ENPP1: variants seen among roughly 807,000 people sequenced by gnomAD.
The protein encoded by ENPP1 is ectonucleotide pyrophosphatase/phosphodiesterase family member 1.
Under a neutral mutation model 122.8 loss-of-function variants are expected in ENPP1, and 73 were observed. That is an observed-to-expected ratio of 0.59 (90% confidence interval 0.49 to 0.72). ENPP1 has a LOEUF of 0.72. Ranked by LOEUF, ENPP1 falls within the 30% of genes least tolerant of loss-of-function variation. The probability of loss-of-function intolerance (pLI) is 0.00; values close to 1 mark genes in which losing one functional copy is unlikely to be tolerated. For missense variants in ENPP1, 978 were observed against 1,128.1 expected (o/e 0.87, Z 1.91); for synonymous variants, 367 against 391.6 (o/e 0.94, Z 0.74).
At chr6:131,855,344 G>C (rs891942762) in intron 6 of ENPP1, among the ~76,000 whole-genome samples, 1 of 151,864 alleles carries the variant, frequency 6.6e-6, no homozygotes, top group Non-Finnish European at 1.5e-5. Context: ...TATTATTTTT[G>C]AGACTGAGTC....
At chr6:131,808,949 AG>A (rs2114644389) in intron 1 of ENPP1, among the ~76,000 whole-genome samples, 1 of 152,342 alleles carries the variant, frequency 6.6e-6, no homozygotes, top group South Asian at 2.1e-4. Context: ...CAGGACCCAC[AG>A]TCAACTTCAT....
At position 131,891,341 on chromosome 6, in the gene ENPP1, G is replaced by A. The variant is rs1221921141; in HGVS notation, c.*830G>A. The A allele has an allele frequency of 6.6e-6, 1 of 152,186 alleles. No homozygotes were observed. Among genetic ancestry groups the A allele is most frequent in the African/African-American group, 2.4e-5 (1 of 41,430 alleles). The allele number at this position is 152,186 out of a possible 1,614,324, so 9.4% of individuals were successfully genotyped here. A position where few individuals can be genotyped will look rare whatever the true frequency, so the allele number is the denominator to read the frequency against. On this transcript the variant is annotated 3_prime_UTR_variant, in exon 25 of 25. Transcript: ENST00000647893. ...AACTTCAGAGCACCAGTCAGTGCAT[G>A]CAAGGTGCCATTTTTTATTGAGATG...
In ENPP1 at chr6:131,891,515, A is replaced by G. The variant is rs1355481441; in HGVS notation, c.*1004A>G. Reference sequence around the variant, plus strand: ...CTTGGTGGACATGATAAATGACACAATGAACTTGATTTCTTTACTACCTTG... The same window carrying G: ...CTTGGTGGACATGATAAATGACACAGTGAACTTGATTTCTTTACTACCTTG... On this transcript the variant is annotated 3_prime_UTR_variant, in exon 25 of 25. Transcript: ENST00000647893. 6.6e-6 allele frequency: 1 copy of G among 152,174 alleles called. No individual in the cohort carries two copies. The highest frequency in any genetic ancestry group is 2.4e-5 in the African/African-American group (1 of 41,438). 9.4% of individuals were successfully genotyped at this position (152,174 alleles called of 1,614,324 possible).
intron 15 of ENPP1, among the ~76,000 whole-genome samples, chr6:131,873,840 G>T (rs115778997): frequency 6.6e-6 from 1 of 151,866 alleles, no homozygotes; most frequent in Non-Finnish European, 1.5e-5. Flanking sequence ...TATGAAAGGA[G>T]AAATGGTCCT....
chr6:131,824,393 G>A (rs919406458), intron 1 of ENPP1, among the ~76,000 whole-genome samples: 1 of 152,106 alleles, frequency 6.6e-6, no homozygotes, highest in Non-Finnish European at 1.5e-5. Context: ...TGAGTGGAGT[G>A]TAATGGGGAT....
At chr6:131,827,044 C>T (rs796413666) in intron 1 of ENPP1, 19 of 566,684 alleles carry the variant, frequency 3.4e-5, no homozygotes, top group African/African-American at 2.4e-4. Flanking sequence ...AGCTGTGAGA[C>T]GGCAGACGGC....
Position 131,892,709 on chromosome 6 carries a change from A to G in ENPP1, c.*2198A>G, listed in dbSNP as rs1480990786. 6.6e-6 allele frequency: 1 copy of G among 152,202 alleles called. No homozygotes were observed. Among genetic ancestry groups the G allele is most frequent in the African/African-American group, 2.4e-5 (1 of 41,434 alleles). 9.4% of individuals were successfully genotyped at this position (152,202 alleles called of 1,614,324 possible). A position where few individuals can be genotyped will look rare whatever the true frequency, so the allele number is the denominator to read the frequency against. ...TCCCTTTGCTGGATACCAAGAATAC[A>G]AAAGTCAGGGAGTTGGGGCACCTCT... On this transcript the variant is annotated 3_prime_UTR_variant, in exon 25 of 25. Transcript: ENST00000647893.
Position 131,884,982 on chromosome 6 carries a change from G to T in ENPP1, c.2363G>T (p.Arg788Ile), listed in dbSNP as rs921098635. 6.2e-7 allele frequency: 1 copy of T among 1,614,018 alleles called. No homozygotes were observed. ...CTACTGCGAAAGTATGCTGAAGAAA[G>T]AAATGGTGTCAATGTCGTCAGTGGT... The part of the protein sequence containing the change: ...DTLLRKYAEE[R>I]NGVNVVSGPV... Residue 788 changes from arginine (R) to isoleucine (I), a missense_variant, in exon 23 of 25, where the codon AGA becomes ATA. Arg to Ile is a moderately conservative substitution (Grantham distance 97). Around this residue, in one of 3 missense-constraint regions of ENPP1, gnomAD observed 644 missense variants for 781.5 expected, o/e 0.82. Coordinates refer to ENST00000647893, the MANE Select transcript of ENPP1 (RefSeq NM_006208.3).
At chr6:131,839,087 A>C (rs1200306500) in intron 1 of ENPP1, among the ~76,000 whole-genome samples, 1 of 152,124 alleles carries the variant, frequency 6.6e-6, no homozygotes, top group African/African-American at 2.4e-5. Flanking sequence ...TAGTTTATGA[A>C]GTTAGCATGG....
intron 3 of ENPP1, among the ~76,000 whole-genome samples, chr6:131,850,771 A>G (rs1006057743): frequency 6.6e-6 from 1 of 152,128 alleles, no homozygotes; most frequent in Non-Finnish European, 1.5e-5. Context: ...GTCTCACTAC[A>G]TTGCCCAGGT....
chr6:131,863,198 C>T (rs1040044839), intron 9 of ENPP1, among the ~76,000 whole-genome samples: 2 of 152,062 alleles, frequency 1.3e-5, no homozygotes, highest in African/African-American at 4.8e-5. Context: ...GCATCTATTG[C>T]GTTTGCAAAT....
rs564304453 is a variant in ENPP1, at chr6:131,893,949, C to CTTTT, written c.*3465_*3468dup. On this transcript the variant is annotated 3_prime_UTR_variant, in exon 25 of 25. Transcript: ENST00000647893. ...GTGAAACCTTTATTTATCTTGATTT[C>CTTTT]TTTTTTTTTTTTTTTTTTTTTTTTT... 89 of 59,502 alleles carry CTTTT rather than the reference C, an allele frequency of 1.5e-3. 1 individual carries two copies. The highest frequency in any genetic ancestry group is 2.1e-3 in the Non-Finnish European group (69 of 32,648). The allele number at this position is 59,502 out of a possible 1,614,324, so 3.7% of individuals were successfully genotyped here.
intron 1 of ENPP1, among the ~76,000 whole-genome samples, chr6:131,846,733 CAATT>C (rs1014880675): frequency 1.3e-5 from 2 of 152,122 alleles, no homozygotes; most frequent in Admixed American, 6.5e-5. Flanking sequence ...CATTGGTACT[CAATT>C]AATATTTTAT....
chr6:131,851,987 CAACT>C (rs1781888663), intron 4 of ENPP1, among the ~76,000 whole-genome samples, 184 bp from the exon 5 acceptor site: 1 of 152,102 alleles, frequency 6.6e-6, no homozygotes, highest in East Asian at 1.9e-4. Flanking sequence ...TTCCTGATAT[CAACT>C]AACTCTTATT....
intron 1 of ENPP1, among the ~76,000 whole-genome samples, chr6:131,834,212 G>T (rs919646459): frequency 1.3e-5 from 2 of 152,252 alleles, no homozygotes; most frequent in African/African-American, 4.8e-5. Context: ...TGAGGCAGAA[G>T]TTATAGGTGC....
chr6:131,827,972 G>A (rs1781565876), intron 1 of ENPP1: 1 of 774,706 alleles, frequency 1.3e-6, no homozygotes, highest in Non-Finnish European at 2.3e-6. Context: ...AAATGCTCAA[G>A]CTTGGAGCTG....
chr6:131,826,494 C>T (rs1172399838), intron 1 of ENPP1: 13 of 1,071,022 alleles, frequency 1.2e-5, no homozygotes, highest in Non-Finnish European at 1.9e-5. Context: ...AGGAAAGATT[C>T]TGAAGATGCT....
intron 22 of ENPP1, 134 bp from the exon 23 acceptor site, chr6:131,884,797 G>A (rs1336512074): frequency 1.4e-5 from 15 of 1,079,406 alleles, no homozygotes; most frequent in African/African-American, 4.7e-5. Flanking sequence ...AAAACAAAAC[G>A]AAGACTGAAG....
At chr6:131,810,016 TCTTA>T (rs1344101015) in intron 1 of ENPP1, among the ~76,000 whole-genome samples, 2 of 152,198 alleles carry the variant, frequency 1.3e-5, no homozygotes, top group Admixed American at 1.3e-4. Context: ...TGGAAAGAAT[TCTTA>T]CTTCATATCT....
Sources: allele counts gnomAD v4.1 joint callset (sites outside exome capture counted in the v4.1 genomes callset), GRCh38; gene constraint gnomAD v4.1.1; regional missense constraint gnomAD v4.1.1; transcripts MANE v1.5; gene names NCBI Gene and HGNC (gene_info 2026-07-23, HGNC 2026-07-21).